Variants in CREBBP observed in about 807,000 individuals in gnomAD.
CREBBP encodes CREB binding lysine acetyltransferase.
CREBBP carries 19 observed loss-of-function variants against 265.0 expected under a neutral mutation model. The ratio of observed to expected loss-of-function variants is 0.07; its 90% CI spans 0.05 to 0.11. The LOEUF (loss-of-function observed/expected upper bound fraction) is 0.11. CREBBP is among the 10% of genes least tolerant of loss of function. The probability of loss-of-function intolerance (pLI) is 1.00; values close to 1 mark genes in which losing one functional copy is unlikely to be tolerated. For synonymous variants in CREBBP, 1,457 were observed against 1,223.7 expected, an observed-to-expected ratio of 1.19 and a Z score of -3.98; for missense variants, 2,525 against 3,219.0, an observed-to-expected ratio of 0.78 and a Z score of 5.22.
intron 2 of CREBBP, among the ~76,000 whole-genome samples, chr16:3,822,482 A>G (rs2054160095): frequency 6.6e-6 from 1 of 152,158 alleles, no homozygotes; most frequent in Non-Finnish European, 1.5e-5. Context: ...AAACAGAACT[A>G]ATTCTTGAAC....
intron 16 of CREBBP, among the ~76,000 whole-genome samples, chr16:3,759,765 C>T (rs191244672): frequency 6.6e-6 from 1 of 152,296 alleles, no homozygotes; most frequent in African/African-American, 2.4e-5. Flanking sequence ...ATATTGCTTA[C>T]TCCCACATTT....
intron 16 of CREBBP, among the ~76,000 whole-genome samples, chr16:3,762,262 G>A (rs1442358976): frequency 1.3e-5 from 2 of 152,138 alleles, no homozygotes; most frequent in East Asian, 3.8e-4. Context: ...AGTGGTAATC[G>A]GGAGTGACAG....
chr16:3,853,821 C>T (rs1056345125), intron 1 of CREBBP, among the ~76,000 whole-genome samples: 19 of 152,086 alleles, frequency 1.2e-4, no homozygotes, highest in African/African-American at 4.3e-4. Context: ...CCTGTAATTG[C>T]AGCTACTCGA....
chr16:3,869,153 C>CG (rs1480991675), intron 1 of CREBBP, among the ~76,000 whole-genome samples: 2 of 152,114 alleles, frequency 1.3e-5, no homozygotes, highest in Non-Finnish European at 2.9e-5. Flanking sequence ...TCACAGCCCC[C>CG]GGGGACTTCC....
chr16:3,797,647 T>C (rs1019410001), intron 3 of CREBBP, among the ~76,000 whole-genome samples: 2 of 152,234 alleles, frequency 1.3e-5, no homozygotes, highest in South Asian at 2.1e-4. Flanking sequence ...CTCACTTATT[T>C]TGTGATTGCT....
intron 2 of CREBBP, among the ~76,000 whole-genome samples, chr16:3,849,436 TG>T (rs2054757815): frequency 8.8e-5 from 1 of 11,408 alleles, no homozygotes. Context: ...TGTGTGTGTG[TG>T]TGTGTGTGTG....
In CREBBP at chr16:3,777,937, A is replaced by G. The variant is rs767504041; in HGVS notation, c.2113+74T>C. ...TCAGATATTCTAATTCTCTGTTCTT[A>G]GAAATACACCCCAAACACGAAGGAA... is the stretch of plus-strand genomic sequence containing the variant. On this transcript the variant is annotated intron_variant, in intron 10 of 30. Transcript: ENST00000262367. 306 of 1,535,038 alleles carry G rather than the reference A, an allele frequency of 2.0e-4. 1 individual carries two copies. Among genetic ancestry groups the G allele is most frequent in the South Asian group, 3.9e-4 (35 of 88,674 alleles).
chr16:3,780,602 C>A (rs1283317197), intron 8 of CREBBP, 130 bp downstream of exon 8: 1 of 944,676 alleles, frequency 1.1e-6, no homozygotes, highest in African/African-American at 1.6e-5. Flanking sequence ...CAGAACTCTA[C>A]CAGCAGTGAG....
At chr16:3,821,822 G>A (rs191250594) in intron 2 of CREBBP, among the ~76,000 whole-genome samples, 14 of 152,340 alleles carry the variant, frequency 9.2e-5, no homozygotes, top group African/African-American at 3.4e-4. Context: ...CTGAGGTCAG[G>A]AGTTGGAGAC....
intron 2 of CREBBP, 35 bp downstream of exon 2, chr16:3,850,262 G>A (rs2054800512): frequency 1.2e-6 from 2 of 1,609,448 alleles, no homozygotes; most frequent in East Asian, 2.2e-5. Context: ...CCCGCGGTTA[G>A]GTAGGAAGTA....
At chr16:3,859,810 C>T (rs1320919735) in intron 1 of CREBBP, among the ~76,000 whole-genome samples, 1 of 152,224 alleles carries the variant, frequency 6.6e-6, no homozygotes, top group Non-Finnish European at 1.5e-5. Context: ...AAAAAGGCTA[C>T]ATGGCCCTCT....
At chr16:3,782,070 A>C (rs1294812658) in intron 6 of CREBBP, among the ~76,000 whole-genome samples, 1 of 152,254 alleles carries the variant, frequency 6.6e-6, no homozygotes, top group Non-Finnish European at 1.5e-5. Context: ...CTTAAGCCTA[A>C]ATGTAAAGGG....
rs116322104 is a variant in CREBBP, at chr16:3,855,945, A to G, written c.86-4936T>C. Among the ~76,000 whole-genome samples the G allele has an allele frequency of 9.8e-3, 1,488 of 152,332 alleles. 29 individuals are homozygous for G. Among genetic ancestry groups the G allele is most frequent in the African/African-American group, 0.034 (1,415 of 41,580 alleles). On this transcript the variant is annotated intron_variant, in intron 1 of 30. Coordinates refer to ENST00000262367, the MANE Select transcript of CREBBP (RefSeq NM_004380.3). ...AAATTTACTCGGTACTCCTTAATAA[A>G]TATTTTTGTCCAACCCAAATGATAA...
chr16:3,849,758 A>ATGC (rs922082419), intron 2 of CREBBP, among the ~76,000 whole-genome samples: 2 of 151,606 alleles, frequency 1.3e-5, no homozygotes, highest in Admixed American at 1.3e-4. Flanking sequence ...CTTCTAGGGG[A>ATGC]TGCTGCTGCT....
chr16:3,750,726 G>A (rs1450047924), intron 20 of CREBBP, among the ~76,000 whole-genome samples: 1 of 152,184 alleles, frequency 6.6e-6, no homozygotes, highest in East Asian at 1.9e-4. Flanking sequence ...AACAGGTAAA[G>A]CACTAGTGAA....
intron 2 of CREBBP, among the ~76,000 whole-genome samples, chr16:3,812,475 G>T (rs192163352): frequency 6.6e-6 from 1 of 151,660 alleles, no homozygotes; most frequent in African/African-American, 2.4e-5. Flanking sequence ...CACTGCGCCC[G>T]GCCTAAAATT....
intron 21 of CREBBP, among the ~76,000 whole-genome samples, chr16:3,745,881 G>A (rs898584659): frequency 1.3e-5 from 2 of 152,238 alleles, no homozygotes; most frequent in African/African-American, 4.8e-5. Context: ...AGTTACAAAA[G>A]GTGGAATGTG....
rs2051765113 is a variant in CREBBP, at chr16:3,727,127, T to C, written c.*591A>G. ...AAGACAAGTTTGGCTTCAGCCATTA[T>C]GTATAGATAGATGTGTGTGGGTGTG... On this transcript the variant is annotated 3_prime_UTR_variant, in exon 31 of 31. Coordinates refer to ENST00000262367, the MANE Select transcript of CREBBP (RefSeq NM_004380.3). 8.5e-6 allele frequency: 2 copies of C among 234,614 alleles called. No individual in the cohort carries two copies. Among genetic ancestry groups the C allele is most frequent in the East Asian group, 1.2e-4 (2 of 16,574 alleles). 14.5% of individuals were successfully genotyped at this position (234,614 alleles called of 1,614,324 possible).
At chr16:3,802,331 C>A (rs1378891702) in intron 3 of CREBBP, among the ~76,000 whole-genome samples, 1 of 151,650 alleles carries the variant, frequency 6.6e-6, no homozygotes, top group African/African-American at 2.4e-5. Flanking sequence ...GGGGCTTTAC[C>A]GTGTTAGCCA....
Sources: allele counts gnomAD v4.1 joint callset (sites outside exome capture counted in the v4.1 genomes callset), GRCh38; gene constraint gnomAD v4.1.1; transcripts MANE v1.5; gene names NCBI Gene and HGNC (gene_info 2026-07-23, HGNC 2026-07-21).